BTLA: variants seen among roughly 807,000 people sequenced by gnomAD.
BTLA encodes the protein B- and T-lymphocyte attenuator.
BTLA carries 11 observed loss-of-function variants against 25.0 expected under a neutral mutation model. The observed-to-expected ratio is 0.44, with a 90% CI of 0.28 to 0.73. The LOEUF is 0.73. Ranked by LOEUF, BTLA falls within the 30% of genes least tolerant of loss-of-function variation. The pLI is 0.15. For synonymous variants in BTLA, 104 were observed against 119.8 expected (o/e 0.87, Z 0.86); for missense variants, 282 against 332.8 (o/e 0.85, Z 1.19).
Position 112,465,966 on chromosome 3 carries a change from C to T in BTLA, c.*142G>A. The T allele has an allele frequency of 1.1e-6, 1 of 896,598 alleles. No homozygotes were observed. The highest frequency in any genetic ancestry group is 1.6e-6 in the Non-Finnish European group (1 of 614,618). 55.5% of individuals were successfully genotyped at this position (896,598 alleles called of 1,614,324 possible). The stretch of plus-strand genomic sequence containing the variant: ...AATTTTAATCATTTATCCTATGGAC[C>T]CTTAAGACCCAAGCACTAACATGAA... On this transcript the variant is annotated 3_prime_UTR_variant, in exon 5 of 5. Transcript: ENST00000334529.
rs574936479 is a variant in BTLA, at chr3:112,468,788, T to TAC, written c.594+968_594+969dup. ...TTGAGGGAACAAAGCCTTAGCACCC[T>TAC]ACACAGTGCCTACTGATGCTAATGA... On this transcript the variant is annotated intron_variant, in intron 4 of 4. Coordinates refer to ENST00000334529, the MANE Select transcript of BTLA (RefSeq NM_181780.4). Among the ~76,000 whole-genome samples, 234 of 152,302 alleles carry TAC rather than the reference T, an allele frequency of 1.5e-3. 1 individual carries two copies. Among genetic ancestry groups the TAC allele is most frequent in the African/African-American group, 5.4e-3 (225 of 41,564 alleles).
chr3:112,483,688 C>T (rs1285930823), intron 1 of BTLA, among the ~76,000 whole-genome samples: 1 of 151,846 alleles, frequency 6.6e-6, no homozygotes, highest in Non-Finnish European at 1.5e-5. Context: ...ACAAACAAGG[C>T]CGGGCATGGT....
intron 4 of BTLA, among the ~76,000 whole-genome samples, chr3:112,467,262 AAAATTCTTACCGTTTCAAATATAGCC>A (rs1222815000): frequency 6.6e-6 from 1 of 152,168 alleles, no homozygotes; most frequent in Non-Finnish European, 1.5e-5. Context: ...TCCCGGCAAG[AAAATTCTTACCGTTTCAAATATAGCC>A]AAATATCTTA....
chr3:112,484,597 A>G (rs1267055065), intron 1 of BTLA, among the ~76,000 whole-genome samples: 2 of 152,162 alleles, frequency 1.3e-5, no homozygotes, highest in East Asian at 1.9e-4. Context: ...TTCTATTCCT[A>G]TCACAATATA....
At chr3:112,484,956 T>C (rs1422843012) in intron 1 of BTLA, among the ~76,000 whole-genome samples, 3 of 152,212 alleles carry the variant, frequency 2.0e-5, no homozygotes, top group African/African-American at 7.2e-5. Flanking sequence ...CAAGGTATTA[T>C]AATACCTCCT....
rs546841859 is a variant in BTLA at position 112,480,035 on chromosome 3, A to G, written c.89-266T>C. Reference sequence around the variant, plus strand: ...CATATACCCTGTGACCTGCACGTATACATCCAGATGGCCTGAAGCAACTGA... The same window carrying G: ...CATATACCCTGTGACCTGCACGTATGCATCCAGATGGCCTGAAGCAACTGA... On this transcript the variant is annotated intron_variant, in intron 1 of 4. Transcript: ENST00000334529. Among the ~76,000 whole-genome samples, 3 of 152,344 alleles carry G rather than the reference A, an allele frequency of 2.0e-5. No individual in the cohort carries two copies. In the East Asian group the frequency reaches 5.8e-4, roughly 29 times the overall value.
In BTLA at chr3:112,477,864, C is replaced by T. The variant is rs183014518; in HGVS notation, c.403+1591G>A. ...TATGAATATCCAATTATCCTGGCAC[C>T]ATTTATTGAGACTATTCTTTCCCCA... On this transcript the variant is annotated intron_variant, in intron 2 of 4. Coordinates refer to ENST00000334529, the MANE Select transcript of BTLA (RefSeq NM_181780.4). Among the ~76,000 whole-genome samples the T allele has an allele frequency of 3.9e-4, 60 of 152,122 alleles. 1 individual carries two copies. Among genetic ancestry groups the T allele is most frequent in the Admixed American group, 3.4e-3 (52 of 15,278 alleles).
chr3:112,486,032 G>C (rs1312421284), intron 1 of BTLA, among the ~76,000 whole-genome samples: 1 of 152,210 alleles, frequency 6.6e-6, no homozygotes, highest in Non-Finnish European at 1.5e-5. Context: ...CAGGAGAATG[G>C]CGTGAACCCG....
In BTLA at chr3:112,464,638, T is replaced by C. The variant is rs1254257311; in HGVS notation, c.*1470A>G. 1 of 153,348 alleles carries C rather than the reference T, an allele frequency of 6.5e-6. No individual in the cohort carries two copies. The highest frequency in any genetic ancestry group is 2.4e-5 in the African/African-American group (1 of 41,504). The allele number at this position is 153,348 out of a possible 1,614,324, so 9.5% of individuals were successfully genotyped here. A position where few individuals can be genotyped will look rare whatever the true frequency, so the allele number is the denominator to read the frequency against. Reference sequence around the variant, plus strand: ...ACAAAACCTCAGTTTTGTCTTTTTGTATATATACCCCACTTGTATTCTAAA... The same window carrying C: ...ACAAAACCTCAGTTTTGTCTTTTTGCATATATACCCCACTTGTATTCTAAA... On this transcript the variant is annotated 3_prime_UTR_variant, in exon 5 of 5. Transcript: ENST00000334529.
At chr3:112,490,638 C>T (rs1192620516) in intron 1 of BTLA, among the ~76,000 whole-genome samples, 1 of 145,196 alleles carries the variant, frequency 6.9e-6, no homozygotes, top group Non-Finnish European at 1.5e-5. Flanking sequence ...CACACACACA[C>T]ACAATGTAAA....
intron 1 of BTLA, among the ~76,000 whole-genome samples, chr3:112,479,997 C>T (rs532087811): frequency 4.6e-5 from 7 of 152,262 alleles, no homozygotes; most frequent in African/African-American, 1.7e-4. Context: ...CCTTTGAGCC[C>T]AAGCTAAGCC....
chr3:112,490,024 A>G (rs1424479174), intron 1 of BTLA, among the ~76,000 whole-genome samples: 1 of 152,154 alleles, frequency 6.6e-6, no homozygotes, highest in African/African-American at 2.4e-5. Flanking sequence ...TCTTGGGAGG[A>G]CATTGACTTG....
At chr3:112,496,354 C>T (rs1445831307) in intron 1 of BTLA, among the ~76,000 whole-genome samples, 1 of 152,116 alleles carries the variant, frequency 6.6e-6, no homozygotes, top group African/African-American at 2.4e-5. Flanking sequence ...TTTAGAGAAA[C>T]ACAAAAAGTA....
intron 4 of BTLA, among the ~76,000 whole-genome samples, chr3:112,468,695 G>A (rs1358711262): frequency 6.6e-6 from 1 of 151,952 alleles, no homozygotes; most frequent in African/African-American, 2.4e-5. Flanking sequence ...TGGCCTTATT[G>A]TAATCAAGTG....
intron 2 of BTLA, among the ~76,000 whole-genome samples, chr3:112,476,353 AT>A (rs1175704621): frequency 6.6e-6 from 1 of 152,244 alleles, no homozygotes; most frequent in Non-Finnish European, 1.5e-5. Context: ...AACCTAAAGC[AT>A]TTTAAAAGAA....
Position 112,465,620 on chromosome 3 carries a change from C to G in BTLA, c.*488G>C, listed in dbSNP as rs1250691896. ...TCCTTTGCATTTAAGAAACACCATT[C>G]TTAGACTGACACAGCAAAAATTTCT... On this transcript the variant is annotated 3_prime_UTR_variant, in exon 5 of 5. Transcript: ENST00000334529. 2 of 152,762 alleles carry G rather than the reference C, an allele frequency of 1.3e-5. No individual in the cohort carries two copies. The highest frequency in any genetic ancestry group is 4.8e-5 in the African/African-American group (2 of 41,468). The allele number at this position is 152,762 out of a possible 1,614,324, so 9.5% of individuals were successfully genotyped here. A position where few individuals can be genotyped will look rare whatever the true frequency, so the allele number is the denominator to read the frequency against.
chr3:112,489,518 A>C (rs1019017212), intron 1 of BTLA, among the ~76,000 whole-genome samples: 8 of 152,254 alleles, frequency 5.3e-5, no homozygotes, highest in African/African-American at 1.7e-4. Context: ...GAAACTTCAA[A>C]GTGGTTGCAA....
intron 1 of BTLA, among the ~76,000 whole-genome samples, chr3:112,493,921 A>T (rs1244381951): frequency 6.6e-6 from 1 of 152,104 alleles, no homozygotes; most frequent in Non-Finnish European, 1.5e-5. Flanking sequence ...GACCATCCTG[A>T]CTAACACGGT....
chr3:112,466,359 G>T lies in BTLA; in HGVS notation c.619C>A (p.Gln207Lys), dbSNP rs2082226896. ...TTTTGCCTGGTGCTTGCTTCTGTTT[G>T]CTCACTCTTAAGGTGAGCATCAACC... ...NLVDAHLKSE[Q>K]TEASTRQNSQ... The change falls in exon 5 of 5, where the codon CAA (glutamine) becomes AAA (lysine). Residue 207 changes from glutamine to lysine, a missense_variant. Coordinates refer to ENST00000334529, the MANE Select transcript of BTLA (RefSeq NM_181780.4). 6.2e-7 allele frequency: 1 copy of T among 1,611,498 alleles called. No homozygotes were observed. Among genetic ancestry groups the T allele is most frequent in the Non-Finnish European group, 8.5e-7 (1 of 1,178,748 alleles).
Sources: allele counts gnomAD v4.1 joint callset (sites outside exome capture counted in the v4.1 genomes callset), GRCh38; gene constraint gnomAD v4.1.1; transcripts MANE v1.5; gene names NCBI Gene and HGNC (gene_info 2026-07-23, HGNC 2026-07-21).